CDH23: variants seen among roughly 807,000 people sequenced by gnomAD.
CDH23 encodes the protein cadherin related 23, also known as cadherin-23.
A neutral mutation model predicts 317.1 loss-of-function variants in CDH23; 189 were observed. The ratio of observed to expected loss-of-function variants is 0.60; its 90% CI spans 0.53 to 0.67. The LOEUF is 0.67. CDH23 is among the 30% of genes least tolerant of loss of function. The pLI is 0.00. For missense variants in CDH23, 4,401 were observed against 4,592.4 expected (o/e 0.96, Z 1.20); for synonymous variants, 1,839 against 1,876.8 (o/e 0.98, Z 0.52).
chr10:71,607,278 G>A (rs1234632678), intron 9 of CDH23, among the ~76,000 whole-genome samples: 3 of 152,234 alleles, frequency 2.0e-5, no homozygotes, highest in African/African-American at 7.2e-5. Flanking sequence ...GGGAAGACAG[G>A]AAGGGCCAGG....
At chr10:71,743,080 C>A (rs984494400) in intron 38 of CDH23, among the ~76,000 whole-genome samples, 4 of 152,220 alleles carry the variant, frequency 2.6e-5, no homozygotes, top group African/African-American at 9.7e-5. Flanking sequence ...TCTTGAGTCC[C>A]TGGCTTGGAA....
chr10:71,443,960 C>T (rs1384427560), intron 2 of CDH23, among the ~76,000 whole-genome samples: 1 of 152,256 alleles, frequency 6.6e-6, no homozygotes, highest in South Asian at 2.1e-4. Flanking sequence ...TGATTAGTGG[C>T]AGGCCCTGTA....
At chr10:71,465,595 C>T (rs1273732797) in intron 3 of CDH23, among the ~76,000 whole-genome samples, 1 of 152,220 alleles carries the variant, frequency 6.6e-6, no homozygotes, top group African/African-American at 2.4e-5. Context: ...ATAGGCCCAC[C>T]CCTCAACCAG....
At chr10:71,449,734 AC>A (rs1850341653) in intron 3 of CDH23, among the ~76,000 whole-genome samples, 1 of 152,128 alleles carries the variant, frequency 6.6e-6, no homozygotes, top group Admixed American at 6.5e-5. Flanking sequence ...AGAGACTGAG[AC>A]TTTTATCCAC....
At chr10:71,583,162 A>G (rs530949543) in intron 9 of CDH23, among the ~76,000 whole-genome samples, 2 of 151,820 alleles carry the variant, frequency 1.3e-5, no homozygotes, top group South Asian at 2.1e-4. Flanking sequence ...AACAGTGTGT[A>G]CAGAGACTCT....
chr10:71,444,644 G>A (rs967134253), intron 2 of CDH23, among the ~76,000 whole-genome samples: 62 of 152,354 alleles, frequency 4.1e-4, no homozygotes, highest in African/African-American at 1.5e-3. Context: ...GCACATCGAG[G>A]TGGGGAGGAG....
At chr10:71,539,099 G>A (rs1855855221) in intron 6 of CDH23, among the ~76,000 whole-genome samples, 1 of 152,186 alleles carries the variant, frequency 6.6e-6, no homozygotes. Context: ...GCTCTGCCTA[G>A]GGAACTACCA....
chr10:71,516,972 A>G (rs1347639391), intron 6 of CDH23, among the ~76,000 whole-genome samples: 2 of 152,316 alleles, frequency 1.3e-5, no homozygotes, highest in East Asian at 3.9e-4. Flanking sequence ...CCCTCCCGCC[A>G]GACTAAGCAA....
intron 21 of CDH23, 136 bp from the exon 22 acceptor site, chr10:71,695,282 G>T: frequency 1.4e-6 from 1 of 691,278 alleles, no homozygotes. Context: ...CTCTGCCCAA[G>T]GCTCCCAAGG....
chr10:71,431,765 T>TC (rs988589350), intron 1 of CDH23, among the ~76,000 whole-genome samples: 8 of 151,854 alleles, frequency 5.3e-5, no homozygotes, highest in Non-Finnish European at 1.0e-4. Context: ...TTCTCTCATG[T>TC]CCCCCCCTGC....
chr10:71,466,972 A>C (rs958092147), intron 3 of CDH23, among the ~76,000 whole-genome samples: 14 of 152,244 alleles, frequency 9.2e-5, no homozygotes, highest in Non-Finnish European at 1.9e-4. Flanking sequence ...AGGGAGAGCA[A>C]AAGACAGCTT....
chr10:71,732,376 G>T lies in CDH23; in HGVS notation c.4104+1G>T, dbSNP rs2132826354. 6.4e-7 allele frequency: 1 copy of T among 1,558,322 alleles called. No individual in the cohort carries two copies. ...CCTCTTCAAGATAGACGCCATCACG[G>T]TGAGGGGCTGGGGGCAGGGAGCACC... On this transcript the variant is annotated splice_donor_variant, in intron 32 of 69. Transcript: ENST00000224721. LOFTEE classifies it high-confidence loss of function.
chr10:71,808,920 G>A (rs947235446), intron 60 of CDH23, among the ~76,000 whole-genome samples: 3 of 151,928 alleles, frequency 2.0e-5, no homozygotes, highest in African/African-American at 4.8e-5. Context: ...ATATCCCTCC[G>A]CCACCCTTCA....
intron 32 of CDH23, among the ~76,000 whole-genome samples, 178 bp from the exon 33 acceptor site, chr10:71,734,062 A>G (rs941090752): frequency 3.3e-5 from 5 of 152,242 alleles, no homozygotes; most frequent in African/African-American, 1.2e-4. Context: ...GGAAGGCTTC[A>G]TGGAAGAGGT....
Position 71,806,294 on chromosome 10 carries a change from ACCT to A in CDH23, c.8178+17_8178+19del, listed in dbSNP as rs1186069422. ...CGTGAGGCCTCCAGTGAGCTTGCCC[ACCT>A]CCTGCGCTGGTCACACCCACACAGG... is the stretch of plus-strand genomic sequence containing the variant. On this transcript the variant is annotated intron_variant, in intron 57 of 69. Transcript: ENST00000224721. 1 of 1,534,002 alleles carries A rather than the reference ACCT, an allele frequency of 6.5e-7. No homozygotes were observed. Among genetic ancestry groups the A allele is most frequent in the Non-Finnish European group, 8.8e-7 (1 of 1,135,076 alleles).
intron 48 of CDH23, among the ~76,000 whole-genome samples, chr10:71,794,334 A>G (rs1230221824): frequency 2.0e-5 from 3 of 152,202 alleles, no homozygotes; most frequent in African/African-American, 7.2e-5. Flanking sequence ...TTTCTTTACT[A>G]ACTAGGTGGC....
intron 14 of CDH23, among the ~76,000 whole-genome samples, chr10:71,656,375 C>T (rs1016822879): frequency 6.6e-6 from 1 of 152,186 alleles, no homozygotes; most frequent in Non-Finnish European, 1.5e-5. Flanking sequence ...CTCCCTGGAT[C>T]GTCTGCTCTC....
At position 71,799,115 on chromosome 10, in the gene CDH23, G is replaced by T. The variant is rs759451306; in HGVS notation, c.7059G>T (p.Lys2353Asn). 11 of 1,612,910 alleles carry T rather than the reference G, an allele frequency of 6.8e-6. No individual in the cohort carries two copies. Among genetic ancestry groups the T allele is most frequent in the East Asian group, 2.2e-5 (1 of 44,866 alleles). The change falls in exon 51 of 70, where the codon AAG (lysine) becomes AAT (asparagine). Residue 2353 changes from lysine (K) to asparagine (N), a missense_variant. Physicochemically the swap from Lys to Asn is moderately conservative, Grantham distance 94 (BLOSUM62 0). Around this residue, in one of 3 missense-constraint regions of CDH23, gnomAD observed 189 missense variants for 250.9 expected, o/e 0.75. Coordinates refer to ENST00000224721, the MANE Select transcript of CDH23 (RefSeq NM_022124.6). ...GTGGGAGCCTCTGTGTCTTAGGGAAGGTCATTGCCAACCGGACAGTGGACT... is the reference window on the plus strand; with the variant it reads ...GTGGGAGCCTCTGTGTCTTAGGGAATGTCATTGCCAACCGGACAGTGGACT... ...YVQLEDSSAGKVIANRTVDYE... is the reference protein window; with the variant it reads ...YVQLEDSSAGNVIANRTVDYE...
intron 38 of CDH23, chr10:71,773,347 C>T (rs1488594206): frequency 6.2e-7 from 1 of 1,602,798 alleles, no homozygotes; most frequent in East Asian, 2.3e-5. Context: ...CCCCGCCTCC[C>T]CCGACCTTAC....
Sources: gnomAD v4.1 joint callset for allele counts (sites outside exome capture counted in the v4.1 genomes callset) on GRCh38, gnomAD v4.1.1 for gene constraint, gnomAD v4.1.1 regional missense constraint, MANE v1.5 for transcripts, NCBI Gene and HGNC (gene_info 2026-07-23, HGNC 2026-07-21) for gene names.